The following MAF variants were observed in gnomAD, a reference collection of about 807,000 sequenced individuals.
MAF encodes the protein MAF bZIP transcription factor.
In MAF, 10 loss-of-function variants were observed where a neutral mutation model predicts 22.0. That is an observed-to-expected ratio of 0.45 (90% CI 0.28 to 0.77). The LOEUF (loss-of-function observed/expected upper bound fraction) is 0.77, where lower values mean the gene tolerates loss of function less well. MAF is among the 30% of genes least tolerant of loss of function. MAF has a pLI of 0.12. For missense variants in MAF, 544 were observed against 548.4 expected (o/e 0.99, Z 0.08); for synonymous variants, 337 against 255.8 (o/e 1.32, Z -3.03).
At chr16:79,207,630 A>G in the MAF span, among the ~76,000 whole-genome samples, 1 of 152,242 alleles carries the variant, frequency 6.6e-6, no homozygotes, top group South Asian at 2.1e-4. Context: ...TATATCTCAT[A>G]GTTAAGTCTA....
the MAF span, among the ~76,000 whole-genome samples, chr16:79,310,775 C>T: frequency 2.0e-5 from 3 of 152,186 alleles, no homozygotes; most frequent in African/African-American, 4.8e-5. Context: ...CTTCTCAGCT[C>T]CTGCTGCTAA....
At chr16:79,419,726 C>A in the MAF span, among the ~76,000 whole-genome samples, 1 of 152,130 alleles carries the variant, frequency 6.6e-6, no homozygotes, top group Non-Finnish European at 1.5e-5. Context: ...AAAACCTAGA[C>A]CGAGCTCACC....
the MAF span, among the ~76,000 whole-genome samples, chr16:79,210,721 C>T: frequency 6.6e-6 from 1 of 151,712 alleles, no homozygotes; most frequent in East Asian, 1.9e-4. Flanking sequence ...TTAATTATGG[C>T]TTGCAAAGCA....
At chr16:79,259,169 C>A in the MAF span, among the ~76,000 whole-genome samples, 19 of 152,318 alleles carry the variant, frequency 1.2e-4, 1 homozygote, top group Middle Eastern at 6.8e-3. Context: ...ACCAGGCCGG[C>A]TGGCTCGAAT....
chr16:79,519,850 G>C, the MAF span, among the ~76,000 whole-genome samples: 6 of 152,250 alleles, frequency 3.9e-5, no homozygotes, highest in Non-Finnish European at 5.9e-5. Context: ...AAAAGGTAGA[G>C]TCCTGGACCC....
the MAF span, among the ~76,000 whole-genome samples, chr16:79,397,583 G>T: frequency 6.6e-6 from 1 of 152,186 alleles, no homozygotes; most frequent in Non-Finnish European, 1.5e-5. Flanking sequence ...GTGTGATGAT[G>T]ACCGGCTGGA....
At chr16:79,272,923 C>G in the MAF span, among the ~76,000 whole-genome samples, 3 of 152,134 alleles carry the variant, frequency 2.0e-5, no homozygotes, top group Non-Finnish European at 4.4e-5. Flanking sequence ...AGACCCTAAA[C>G]TTAGAAGAGT....
At chr16:79,578,348 T>C in the MAF span, among the ~76,000 whole-genome samples, 1 of 152,138 alleles carries the variant, frequency 6.6e-6, no homozygotes, top group Non-Finnish European at 1.5e-5. Flanking sequence ...CATGCTTTCT[T>C]CAGTATTAAT....
chr16:79,335,487 G>A, the MAF span, among the ~76,000 whole-genome samples: 1 of 152,130 alleles, frequency 6.6e-6, no homozygotes, highest in East Asian at 1.9e-4. Context: ...GGGACAGGAA[G>A]GACCCTCTCC....
the MAF span, among the ~76,000 whole-genome samples, chr16:79,284,959 T>C: frequency 6.6e-6 from 1 of 152,186 alleles, no homozygotes; most frequent in South Asian, 2.1e-4. Flanking sequence ...TCTTTACAGA[T>C]TGCAGATTTA....
the MAF span, among the ~76,000 whole-genome samples, chr16:79,254,341 A>T: frequency 4.7e-4 from 72 of 152,078 alleles, no homozygotes; most frequent in African/African-American, 1.6e-3. Context: ...TTTCTTTGTT[A>T]TTACTCTCCT....
the MAF span, among the ~76,000 whole-genome samples, chr16:79,457,672 G>T: frequency 6.6e-6 from 1 of 152,034 alleles, no homozygotes; most frequent in Admixed American, 6.6e-5. Flanking sequence ...GGGGACTCTA[G>T]GAAGACATGT....
chr16:79,596,769 A>G (rs1913550950), intron 1 of MAF: 1 of 1,046,410 alleles, frequency 9.6e-7, no homozygotes, highest in Admixed American at 5.5e-5. Flanking sequence ...TAAGTTACAG[A>G]AAATCCAGTT....
At chr16:79,413,222 T>G in the MAF span, among the ~76,000 whole-genome samples, 3 of 16,528 alleles carry the variant, frequency 1.8e-4, no homozygotes, top group African/African-American at 2.4e-4. Context: ...TTTTTTTTTT[T>G]TTTTTTTTTT....
At chr16:79,263,746 G>C in the MAF span, among the ~76,000 whole-genome samples, 2 of 152,170 alleles carry the variant, frequency 1.3e-5, no homozygotes, top group Admixed American at 1.3e-4. Flanking sequence ...AGATTCATGA[G>C]AGTTCATTGC....
the MAF span, among the ~76,000 whole-genome samples, chr16:79,399,622 T>C: frequency 5.3e-5 from 8 of 151,922 alleles, no homozygotes; most frequent in East Asian, 1.4e-3. Flanking sequence ...GGGAGGGGTG[T>C]TTTTGAGGGA....
chr16:79,576,823 T>C, the MAF span, among the ~76,000 whole-genome samples: 5 of 152,170 alleles, frequency 3.3e-5, no homozygotes, highest in South Asian at 2.1e-4. Context: ...CATTACCATA[T>C]TTAGTCCTCT....
At chr16:79,562,568 A>T in the MAF span, among the ~76,000 whole-genome samples, 1 of 152,174 alleles carries the variant, frequency 6.6e-6, no homozygotes, top group South Asian at 2.1e-4. Context: ...GCCAACTAAC[A>T]CCACAGAAGG....
chr16:79,395,240 G>T, the MAF span, among the ~76,000 whole-genome samples: 3 of 152,310 alleles, frequency 2.0e-5, no homozygotes, highest in African/African-American at 7.2e-5. Flanking sequence ...GCAAACCAAG[G>T]AGCTGGATCA....
Sources: gnomAD v4.1 joint callset for allele counts (sites outside exome capture counted in the v4.1 genomes callset) on GRCh38, gnomAD v4.1.1 for gene constraint, MANE v1.5 for transcripts, NCBI Gene and HGNC (gene_info 2026-07-23, HGNC 2026-07-21) for gene names.